SYNE3: variants seen among roughly 807,000 people sequenced by gnomAD.
SYNE3 encodes spectrin repeat containing nuclear envelope family member 3, also known as nesprin-3.
Under a neutral mutation model 111.2 loss-of-function variants are expected in SYNE3, and 100 were observed. The ratio of observed to expected loss-of-function variants is 0.90; its 90% CI spans 0.77 to 1.06. The LOEUF is 1.06. Among genes scored for constraint, SYNE3 ranks in the 50% least tolerant of loss-of-function variants. SYNE3 has a pLI of 0.00. For synonymous variants in SYNE3, 547 were observed against 533.9 expected (o/e 1.02, Z -0.34); for missense variants, 1,160 against 1,240.3 (o/e 0.94, Z 0.97).
chr14:95,424,653 C>T (rs191069311), intron 17 of SYNE3, among the ~76,000 whole-genome samples: 34 of 152,262 alleles, frequency 2.2e-4, no homozygotes, highest in African/African-American at 7.9e-4. Flanking sequence ...ACCACAGCAC[C>T]GCTCTGTGAC....
At chr14:95,516,565 A>C (rs1487367997) in intron 1 of SYNE3, among the ~76,000 whole-genome samples, 31 bp downstream of exon 1, 20 of 39,558 alleles carry the variant, frequency 5.1e-4, no homozygotes, top group Non-Finnish European at 1.1e-3. Flanking sequence ...CCCCGGCCCC[A>C]GGCCTGGCCT....
chr14:95,438,988 C>CTGG, intron 14 of SYNE3, 45 bp downstream of exon 14: 1 of 1,609,528 alleles, frequency 6.2e-7, no homozygotes, highest in Non-Finnish European at 8.5e-7. Context: ...ACCTCTTGAC[C>CTGG]TGGGGCCTGG....
rs1041279802 is a variant in SYNE3, at chr14:95,409,283, C to T, written c.*8543G>A. On this transcript the variant is annotated 3_prime_UTR_variant, in exon 18 of 18. Transcript: ENST00000682763. ...CTGGTTTCTGATCATGACTCCATAG[C>T]ACAGGCTTTTTGAAAGTGTCATGAC... The T allele has an allele frequency of 2.6e-5, 12 of 456,644 alleles. No individual in the cohort carries two copies. Among genetic ancestry groups the T allele is most frequent in the Non-Finnish European group, 5.3e-5 (12 of 226,984 alleles). The allele number at this position is 456,644 out of a possible 1,614,324, so 28.3% of individuals were successfully genotyped here.
At chr14:95,481,530 C>G (rs373288034) in intron 1 of SYNE3, among the ~76,000 whole-genome samples, 77 of 152,286 alleles carry the variant, frequency 5.1e-4, no homozygotes, top group African/African-American at 1.7e-3. Flanking sequence ...ACTAGAGCCC[C>G]AAAGGAGATA....
intron 1 of SYNE3, among the ~76,000 whole-genome samples, chr14:95,508,725 TC>T (rs554461785): frequency 6.8e-4 from 104 of 152,044 alleles, no homozygotes; most frequent in Non-Finnish European, 1.4e-3. Flanking sequence ...CAGATGTGAG[TC>T]CCAGGGACGC....
Position 95,411,321 on chromosome 14 carries a change from C to CAAAAA in SYNE3, c.*6500_*6504dup. The CAAAAA allele has an allele frequency of 7.2e-6, 1 of 137,978 alleles. No individual in the cohort carries two copies. The highest frequency in any genetic ancestry group is 1.6e-5 in the Non-Finnish European group (1 of 63,458). The allele number at this position is 137,978 out of a possible 1,614,324, so 8.5% of individuals were successfully genotyped here. On this transcript the variant is annotated 3_prime_UTR_variant, in exon 18 of 18. Transcript: ENST00000682763. ...GAACATCCTAATTTTAACATAAATT[C>CAAAAA]AAAAAAAAAAAAAGAAAAAAGAAAA...
Position 95,444,345 on chromosome 14 carries a change from A to T in SYNE3, c.1776+140T>A. On this transcript the variant is annotated intron_variant, in intron 10 of 17. Coordinates refer to ENST00000682763, the MANE Select transcript of SYNE3 (RefSeq NM_152592.6). ...ATAAGCAGAGGTTCTGTTGAGGTGA[A>T]AGGTCAGATCTCAACTAAGGGTCTA... 8 of 1,113,296 alleles carry T rather than the reference A, an allele frequency of 7.2e-6. 1 individual carries two copies. In the South Asian group the frequency reaches 1.6e-4, roughly 22 times the overall value. 69.0% of individuals were successfully genotyped at this position (1,113,296 alleles called of 1,614,324 possible).
chr14:95,441,249 T>A (rs1886399336), intron 11 of SYNE3, among the ~76,000 whole-genome samples: 1 of 152,206 alleles, frequency 6.6e-6, no homozygotes, highest in Non-Finnish European at 1.5e-5. Flanking sequence ...GGGAGACTGC[T>A]GCCTCTGTCC....
chr14:95,409,007 C>T lies in SYNE3; in HGVS notation c.*8819G>A. 1 of 383,156 alleles carries T rather than the reference C, an allele frequency of 2.6e-6. No individual in the cohort carries two copies. Among genetic ancestry groups the T allele is most frequent in the Non-Finnish European group, 5.3e-6 (1 of 190,248 alleles). The allele number at this position is 383,156 out of a possible 1,614,324, so 23.7% of individuals were successfully genotyped here. A position where few individuals can be genotyped will look rare whatever the true frequency, so the allele number is the denominator to read the frequency against. On this transcript the variant is annotated 3_prime_UTR_variant, in exon 18 of 18. Transcript: ENST00000682763. ...CGGTGGGAGTCAACGGACTTCCCCG[C>T]AGGAGTGGGCACAGGAGGAAAGCAG...
rs1445480555 is a variant in SYNE3, at chr14:95,466,174, C to CTA, written c.383_384insTA (p.Trp128CysfsTer6). ...CCAGTGTGACCATCATCTTCTGGAA[C>CTA]CAGCGGTAGAACTCATCTCGGGCCA... On this transcript the variant is annotated frameshift_variant, in exon 4 of 18. Coordinates refer to ENST00000682763, the MANE Select transcript of SYNE3 (RefSeq NM_152592.6). LOFTEE classifies it high-confidence loss of function. 8 of 1,604,972 alleles carry CTA rather than the reference C, an allele frequency of 5.0e-6. No homozygotes were observed. Among genetic ancestry groups the CTA allele is most frequent in the Non-Finnish European group, 6.0e-6 (7 of 1,172,612 alleles).
intron 6 of SYNE3, among the ~76,000 whole-genome samples, chr14:95,452,643 T>C (rs561624635): frequency 2.0e-5 from 3 of 152,212 alleles, no homozygotes. Context: ...AGCATTGCCA[T>C]GGCAAACACT....
At chr14:95,495,977 G>A (rs1286579923) in intron 1 of SYNE3, among the ~76,000 whole-genome samples, 1 of 152,148 alleles carries the variant, frequency 6.6e-6, no homozygotes, top group East Asian at 1.9e-4. Context: ...GAATCAGGCA[G>A]AGCACCTTGA....
rs1316579602 is a variant in SYNE3, at chr14:95,407,799, A to ACACACC, written c.*10026_*10027insGGTGTG. The ACACACC allele has an allele frequency of 6.6e-6, 1 of 150,986 alleles. No individual in the cohort carries two copies. The highest frequency in any genetic ancestry group is 1.5e-5 in the Non-Finnish European group (1 of 67,684). The allele number at this position is 150,986 out of a possible 1,614,324, so 9.4% of individuals were successfully genotyped here. A position where few individuals can be genotyped will look rare whatever the true frequency, so the allele number is the denominator to read the frequency against. On this transcript the variant is annotated 3_prime_UTR_variant, in exon 18 of 18. Coordinates refer to ENST00000682763, the MANE Select transcript of SYNE3 (RefSeq NM_152592.6). The stretch of plus-strand genomic sequence containing the variant: ...CAGACACACACACACACACACACAC[A>ACACACC]CCCCATGCCATTGCTTGGTCCACAC...
chr14:95,467,800 A>T lies in SYNE3; in HGVS notation c.312T>A (p.Cys104Ter), dbSNP rs767449941. ...AAAGGCCCTGGATGCCCTACCTGTG[A>T]CAGTGAGTCATGTAGGTGACTGTCT... ...WEETVTYMTH[C>*]HSRIEWVWLH... The change falls in exon 3 of 18, where the codon TGT (cysteine) becomes TGA (stop). Residue 104 changes from cysteine (C) to a stop codon, truncating the protein, a stop_gained. Coordinates refer to ENST00000682763, the MANE Select transcript of SYNE3 (RefSeq NM_152592.6). LOFTEE classifies it high-confidence loss of function. 31 of 1,614,040 alleles carry T rather than the reference A, an allele frequency of 1.9e-5. No individual in the cohort carries two copies. In the East Asian group the frequency reaches 6.5e-4, roughly 34 times the overall value.
intron 4 of SYNE3, among the ~76,000 whole-genome samples, chr14:95,463,570 C>G (rs1201140587): frequency 6.6e-6 from 1 of 152,278 alleles, no homozygotes; most frequent in Non-Finnish European, 1.5e-5. Context: ...AGCCAGGCAC[C>G]TGTCCCAGCT....
intron 1 of SYNE3, among the ~76,000 whole-genome samples, chr14:95,514,191 A>T (rs1890825775): frequency 6.6e-6 from 1 of 152,158 alleles, no homozygotes; most frequent in African/African-American, 2.4e-5. Context: ...AAAGTGGTTA[A>T]CTGAAAATAT....
chr14:95,408,896 T>C lies in SYNE3; in HGVS notation c.*8930A>G, dbSNP rs1903356862. ...GCCCCCGCAAGGGCTGGCCTGTCCG[T>C]GCTTTTCCAGTGGGAAGGTAGACAG... On this transcript the variant is annotated 3_prime_UTR_variant, in exon 18 of 18. Transcript: ENST00000682763. The C allele has an allele frequency of 2.8e-6, 1 of 350,962 alleles. No individual in the cohort carries two copies. Among genetic ancestry groups the C allele is most frequent in the South Asian group, 2.1e-5 (1 of 47,076 alleles). 21.7% of individuals were successfully genotyped at this position (350,962 alleles called of 1,614,324 possible). A position where few individuals can be genotyped will look rare whatever the true frequency, so the allele number is the denominator to read the frequency against.
chr14:95,481,299 C>T (rs1338525536), intron 1 of SYNE3, among the ~76,000 whole-genome samples: 1 of 152,166 alleles, frequency 6.6e-6, no homozygotes, highest in Non-Finnish European at 1.5e-5. Flanking sequence ...TAGAACTGCC[C>T]CTGGGAGGAA....
chr14:95,456,107 C>A, intron 5 of SYNE3: 1 of 330,880 alleles, frequency 3.0e-6, no homozygotes, highest in Non-Finnish European at 5.4e-6. Flanking sequence ...GTGTGGTTAT[C>A]TACCTATTTG....
Sources: gnomAD v4.1 joint callset for allele counts (sites outside exome capture counted in the v4.1 genomes callset) on GRCh38, gnomAD v4.1.1 for gene constraint, MANE v1.5 for transcripts, NCBI Gene and HGNC (gene_info 2026-07-23, HGNC 2026-07-21) for gene names.